Variants in ATG14 observed in about 807,000 individuals in gnomAD.
The protein encoded by ATG14 is beclin 1-associated autophagy-related key regulator.
In ATG14, 35 loss-of-function variants were observed where a neutral mutation model predicts 60.4. The observed-to-expected ratio is 0.58, with a 90% CI of 0.44 to 0.77. The LOEUF is 0.77. ATG14 is among the 30% of genes least tolerant of loss of function. The pLI, the probability that ATG14 is intolerant of heterozygous loss-of-function variation, is 0.00. For missense variants in ATG14, 647 were observed against 626.3 expected (o/e 1.03, Z -0.35); for synonymous variants, 234 against 228.8 (o/e 1.02, Z -0.21).
chr14:55,404,978 A>C (rs1401834906), intron 1 of ATG14, among the ~76,000 whole-genome samples: 2 of 152,214 alleles, frequency 1.3e-5, no homozygotes, highest in African/African-American at 4.8e-5. Context: ...AAGTTCTAAA[A>C]GGTATAATCA....
At chr14:55,410,306 G>A (rs1885551298) in intron 1 of ATG14, among the ~76,000 whole-genome samples, 1 of 152,102 alleles carries the variant, frequency 6.6e-6, no homozygotes, top group Non-Finnish European at 1.5e-5. Context: ...GCATATAGAT[G>A]GTATTTAAAT....
At chr14:55,389,958 G>GC (rs1885186398) in intron 4 of ATG14, among the ~76,000 whole-genome samples, 1 of 151,078 alleles carries the variant, frequency 6.6e-6, no homozygotes, top group Non-Finnish European at 1.5e-5. Flanking sequence ...ACTCACTAAG[G>GC]GAAAAAAAAA....
chr14:55,402,968 T>TATATATATATATATATATATAA (rs1336670488), intron 1 of ATG14, among the ~76,000 whole-genome samples: 1 of 60,970 alleles, frequency 1.6e-5, no homozygotes, highest in African/African-American at 5.7e-5. Context: ...TATATATATA[T>TATATATATATATATATATATAA]AAATAGCTGG....
chr14:55,397,672 G>GA (rs1480053451), intron 1 of ATG14, among the ~76,000 whole-genome samples: 2 of 152,124 alleles, frequency 1.3e-5, no homozygotes, highest in Non-Finnish European at 2.9e-5. Context: ...TATGTCTATA[G>GA]ATATCTTCCG....
At chr14:55,374,411 T>C (rs552273988) in intron 9 of ATG14, among the ~76,000 whole-genome samples, 1 of 152,348 alleles carries the variant, frequency 6.6e-6, no homozygotes, top group Non-Finnish European at 1.5e-5. Context: ...TTTCCTGTAC[T>C]GATTTGAAAG....
intron 6 of ATG14, 140 bp from the exon 7 acceptor site, chr14:55,380,830 G>T: frequency 3.6e-6 from 1 of 275,582 alleles, no homozygotes; most frequent in East Asian, 6.1e-5. Context: ...TCCATGACCA[G>T]ACATAAATGG....
chr14:55,396,023 T>C (rs147302124), intron 2 of ATG14, 41 bp from the exon 3 acceptor site: 23,498 of 1,484,908 alleles, frequency 0.016, 232 homozygotes, highest in Non-Finnish European at 0.019. Flanking sequence ...TTAAAAATAA[T>C]AAAATTCTGT....
At chr14:55,374,645 T>G (rs963738651) in intron 9 of ATG14, among the ~76,000 whole-genome samples, 12 of 152,220 alleles carry the variant, frequency 7.9e-5, no homozygotes, top group African/African-American at 2.2e-4. Flanking sequence ...TTTGCTTATT[T>G]TATAGCTGTA....
chr14:55,383,159 T>A (rs1258146339), intron 5 of ATG14, among the ~76,000 whole-genome samples: 3 of 152,280 alleles, frequency 2.0e-5, no homozygotes, highest in East Asian at 3.9e-4. Flanking sequence ...TACGCACGCG[T>A]CCCATGCCAT....
chr14:55,380,501 G>C, intron 7 of ATG14, 72 bp downstream of exon 7: 1 of 993,728 alleles, frequency 1.0e-6, no homozygotes, highest in Admixed American at 2.2e-5. Context: ...TGGTTTATTG[G>C]AATAAATAAA....
At chr14:55,376,940 T>C (rs547774949) in intron 9 of ATG14, among the ~76,000 whole-genome samples, 3 of 152,186 alleles carry the variant, frequency 2.0e-5, no homozygotes, top group Non-Finnish European at 4.4e-5. Context: ...CCAGCCCTGG[T>C]TGGTATTTTT....
At chr14:55,395,407 C>T (rs1318384659) in intron 3 of ATG14, among the ~76,000 whole-genome samples, 1 of 152,236 alleles carries the variant, frequency 6.6e-6, no homozygotes, top group East Asian at 1.9e-4. Flanking sequence ...GGCTGGAGTG[C>T]TGTGGCACGA....
rs1357984198 is a variant in ATG14 at position 55,369,561 on chromosome 14, A to C, written c.*58T>G. 7 of 1,371,022 alleles carry C rather than the reference A, an allele frequency of 5.1e-6. No individual in the cohort carries two copies. The highest frequency in any genetic ancestry group is 6.8e-6 in the Non-Finnish European group (7 of 1,023,308). The allele number at this position is 1,371,022 out of a possible 1,614,324, so 84.9% of individuals were successfully genotyped here. A position where few individuals can be genotyped will look rare whatever the true frequency, so the allele number is the denominator to read the frequency against. On this transcript the variant is annotated 3_prime_UTR_variant, in exon 10 of 10. Coordinates refer to ENST00000247178, the MANE Select transcript of ATG14 (RefSeq NM_014924.5). ...AACTTAAACAGAAAATGTTTACTAG[A>C]GTGTAGTGGGAGAAGAACTTTCTTG...
rs1325339626 is a variant in ATG14 at position 55,369,833 on chromosome 14, T to G, written c.1265A>C (p.Glu422Ala). 3 of 1,614,174 alleles carry G rather than the reference T, an allele frequency of 1.9e-6. No homozygotes were observed. The highest frequency in any genetic ancestry group is 2.5e-6 in the Non-Finnish European group (3 of 1,180,028). The change falls in exon 10 of 10, where the codon GAG (glutamate) becomes GCG (alanine). Residue 422 changes from glutamate (E) to alanine (A), a missense_variant. Physicochemically the swap from Glu to Ala is moderately radical, Grantham distance 107. Transcript: ENST00000247178. ...VAGESDESGD[E>A]RVSDEETDLG... is the part of the protein sequence containing the mutation. ...GTCGGTTTCTTCATCGCTGACGCGC[T>G]CATCTCCGCTCTCATCTGATTCTCC...
At chr14:55,389,282 A>C (rs577109379) in intron 4 of ATG14, among the ~76,000 whole-genome samples, 1 of 152,364 alleles carries the variant, frequency 6.6e-6, no homozygotes, top group East Asian at 1.9e-4. Context: ...CAAAGCCCTG[A>C]ATATCATGGT....
chr14:55,377,807 A>T lies in ATG14; in HGVS notation c.1172+12T>A. On this transcript the variant is annotated intron_variant, in intron 9 of 9. Coordinates refer to ENST00000247178, the MANE Select transcript of ATG14 (RefSeq NM_014924.5). Reference sequence around the variant, plus strand: ...AAAAACACTTAGAGAAAAGCAACAAATATCTTCTTACCTGCCTAGGTGTTC... The same window carrying T: ...AAAAACACTTAGAGAAAAGCAACAATTATCTTCTTACCTGCCTAGGTGTTC... 1 of 1,550,846 alleles carries T rather than the reference A, an allele frequency of 6.4e-7. No individual in the cohort carries two copies. Among genetic ancestry groups the T allele is most frequent in the Non-Finnish European group, 8.7e-7 (1 of 1,148,190 alleles).
At chr14:55,401,538 T>G (rs1885398722) in intron 1 of ATG14, among the ~76,000 whole-genome samples, 1 of 152,236 alleles carries the variant, frequency 6.6e-6, no homozygotes, top group African/African-American at 2.4e-5. Context: ...TTCTATATTA[T>G]TCACTAAATT....
chr14:55,370,231 T>C (rs1884783223), intron 9 of ATG14, among the ~76,000 whole-genome samples: 1 of 152,234 alleles, frequency 6.6e-6, no homozygotes, highest in Non-Finnish European at 1.5e-5. Flanking sequence ...GTCCTAAGTC[T>C]GACTTCCTGT....
At chr14:55,388,358 G>A (rs1395057974) in intron 4 of ATG14, among the ~76,000 whole-genome samples, 4 of 152,168 alleles carry the variant, frequency 2.6e-5, no homozygotes, top group Admixed American at 2.6e-4. Context: ...ACTTGCAGGT[G>A]GCAGGAAATC....
Sources: gnomAD v4.1 joint callset for allele counts (sites outside exome capture counted in the v4.1 genomes callset) on GRCh38, gnomAD v4.1.1 for gene constraint, MANE v1.5 for transcripts, NCBI Gene and HGNC (gene_info 2026-07-23, HGNC 2026-07-21) for gene names.